Variants in IRS1 observed in about 807,000 individuals in gnomAD.
IRS1 encodes the protein insulin receptor substrate 1.
Under a neutral mutation model 65.6 loss-of-function variants are expected in IRS1, and 34 were observed. The observed-to-expected ratio is 0.52, with a 90% CI of 0.39 to 0.69. IRS1 has a LOEUF of 0.69. Ranked by LOEUF, IRS1 falls within the 30% of genes least tolerant of loss-of-function variation. The pLI, the probability that IRS1 is intolerant of heterozygous loss-of-function variation, is 0.00. For synonymous variants in IRS1, 699 were observed against 683.5 expected (o/e 1.02, Z -0.35); for missense variants, 1,641 against 1,720.2 (o/e 0.95, Z 0.81).
At chr2:226,746,794 T>C (rs1418706299) in intron 1 of IRS1, among the ~76,000 whole-genome samples, 1 of 148,172 alleles carries the variant, frequency 6.7e-6, no homozygotes, top group East Asian at 1.9e-4. Context: ...TCTTTTTTTT[T>C]TTTTTTTTTT....
At chr2:226,764,432 A>T (rs1347474787) in intron 1 of IRS1, among the ~76,000 whole-genome samples, 1 of 152,176 alleles carries the variant, frequency 6.6e-6, no homozygotes, top group Non-Finnish European at 1.5e-5. Flanking sequence ...AGTCCAAGCT[A>T]CATGGGAGGA....
chr2:226,784,382 G>C (rs1224187583), intron 1 of IRS1, among the ~76,000 whole-genome samples: 1 of 151,820 alleles, frequency 6.6e-6, no homozygotes, highest in Non-Finnish European at 1.5e-5. Context: ...AAACACTGAC[G>C]ATTCTAATTC....
At chr2:226,791,570 G>A (rs972179771) in intron 1 of IRS1, among the ~76,000 whole-genome samples, 2 of 152,200 alleles carry the variant, frequency 1.3e-5, no homozygotes, top group East Asian at 1.9e-4. Flanking sequence ...GGGGGCCTGC[G>A]GCTCGGCCTG....
intron 1 of IRS1, among the ~76,000 whole-genome samples, chr2:226,766,121 TTATATA>T (rs1171119286): frequency 3.5e-4 from 5 of 14,238 alleles, no homozygotes; most frequent in Non-Finnish European, 5.2e-4. Flanking sequence ...TCTCTTAATC[TTATATA>T]TATATATATA....
chr2:226,755,979 G>A (rs1938793022), intron 1 of IRS1, among the ~76,000 whole-genome samples: 1 of 152,164 alleles, frequency 6.6e-6, no homozygotes, highest in Non-Finnish European at 1.5e-5. Context: ...TAAGCAGTTG[G>A]CAGAAAGCTT....
Position 226,796,630 on chromosome 2 carries a change from T to C in IRS1, c.2109A>G (p.Val703=). Residue 703 remains valine (V), a synonymous_variant, in exon 1 of 2, where the codon GTA becomes GTG. Transcript: ENST00000305123. The part of the protein sequence containing the change: ...TSYGKLWTNG[V]GGHHSHVLPH... ...GCAAGACATGAGAGTGGTGGCCCCC[T>C]ACCCCGTTTGTCCACAGCTTTCCAT... is the stretch of plus-strand genomic sequence containing the variant. The C allele has an allele frequency of 1.2e-6, 2 of 1,613,916 alleles. No individual in the cohort carries two copies. Among genetic ancestry groups the C allele is most frequent in the Middle Eastern group, 1.7e-4 (1 of 6,060 alleles).
chr2:226,763,544 C>T (rs1393802478), intron 1 of IRS1, among the ~76,000 whole-genome samples: 1 of 152,124 alleles, frequency 6.6e-6, no homozygotes, highest in African/African-American at 2.4e-5. Context: ...TTAAAAGATG[C>T]CATCTGCTTT....
rs202172393 is a variant in IRS1, at chr2:226,749,244, G to A, written c.*22-12994C>T. ...CTACCTGTTCATTTGGTTTCTCCACGCTTTCCTTCTGTAACAATGTAAGCA... is the reference window on the plus strand; with the variant it reads ...CTACCTGTTCATTTGGTTTCTCCACACTTTCCTTCTGTAACAATGTAAGCA... On this transcript the variant is annotated intron_variant, in intron 1 of 1. Transcript: ENST00000305123. Among the ~76,000 whole-genome samples the A allele has an allele frequency of 3.5e-4, 54 of 152,178 alleles. 1 individual carries two copies. The East Asian group carries it at 8.1e-3, about 23-fold the overall frequency.
At chr2:226,765,798 C>T (rs1217646974) in intron 1 of IRS1, among the ~76,000 whole-genome samples, 1 of 152,006 alleles carries the variant, frequency 6.6e-6, no homozygotes, top group Non-Finnish European at 1.5e-5. Flanking sequence ...AAACAGAAGC[C>T]ACTTTAAAAA....
Position 226,798,582 on chromosome 2 carries a change from ACTT to A in IRS1, c.154_156del (p.Lys52del), listed in dbSNP as rs753296153. The A allele has an allele frequency of 8.7e-6, 14 of 1,613,802 alleles. No individual in the cohort carries two copies. Among genetic ancestry groups the A allele is most frequent in the South Asian group, 3.3e-5 (3 of 91,080 alleles). On this transcript the variant is annotated inframe_deletion, in exon 1 of 2. Transcript: ENST00000305123. The surrounding 1 kb of genome is among the most constrained non-coding windows in gnomAD (Gnocchi z 9.4). ...TTGGGGGCGCTCGACTTGTGCCGCC[ACTT>A]CTTCTCGTTCTCGTAGTACTCGAGG...
In IRS1 at chr2:226,798,688, G is replaced by A. The variant is rs779218922; in HGVS notation, c.51C>T (p.Gly17=). 2.5e-6 allele frequency: 4 copies of A among 1,613,034 alleles called. No individual in the cohort carries two copies. In the South Asian group the frequency reaches 4.4e-5, roughly 18 times the overall value. Residue 17 remains glycine (G), a synonymous_variant, in exon 1 of 2, where the codon GGC becomes GGT. Coordinates refer to ENST00000305123, the MANE Select transcript of IRS1 (RefSeq NM_005544.3). The surrounding 1 kb of genome is among the most constrained non-coding windows in gnomAD (Gnocchi z 9.4). ...SDGFSDVRKV[G]YLRKPKSMHK... is the part of the protein sequence containing the mutation. ...GCATGCTCTTGGGTTTGCGCAGGTA[G>A]CCCACCTTGCGCACGTCCGAGAAGC...
At position 226,797,834 on chromosome 2, in the gene IRS1, C is replaced by G; in HGVS notation, c.905G>C (p.Arg302Pro). 6.3e-7 allele frequency: 1 copy of G among 1,598,634 alleles called. No individual in the cohort carries two copies. Among genetic ancestry groups the G allele is most frequent in the Non-Finnish European group, 8.5e-7 (1 of 1,175,216 alleles). Residue 302 changes from arginine (R) to proline (P), a missense_variant, in exon 1 of 2, where the codon CGA becomes CCA. Physicochemically the swap from Arg to Pro is moderately radical, Grantham distance 103. Around this residue, in one of 3 missense-constraint regions of IRS1, gnomAD observed 1,324 missense variants for 1,361.0 expected, o/e 0.97. Coordinates refer to ENST00000305123, the MANE Select transcript of IRS1 (RefSeq NM_005544.3). The surrounding 1 kb of genome is among the most constrained non-coding windows in gnomAD (Gnocchi z 8.1). Reference sequence around the variant, plus strand: ...GGCGGTGATGCTCTCAGTGCGTGATCGGCGGGTCAGCCCCACCTGGCTGGG... The same window carrying G: ...GGCGGTGATGCTCTCAGTGCGTGATGGGCGGGTCAGCCCCACCTGGCTGGG... Reference protein sequence around the residue: ...PPPSQVGLTRRSRTESITATS... With the variant: ...PPPSQVGLTRPSRTESITATS...
In IRS1 at chr2:226,797,002, G is replaced by C; in HGVS notation, c.1737C>G (p.Thr579=). Residue 579 remains threonine (T), a synonymous_variant, in exon 1 of 2, where the codon ACC becomes ACG. Transcript: ENST00000305123. The surrounding 1 kb of genome is among the most constrained non-coding windows in gnomAD (Gnocchi z 8.1). The part of the protein sequence containing the change: ...PGHRHSAFVP[T]RSYPEEGLEM... ...CCAGACCCTCCTCTGGGTAGGAGCG[G>C]GTGGGCACGAAGGCGGAGTGCCTGT... 6.3e-7 allele frequency: 1 copy of C among 1,599,946 alleles called. No homozygotes were observed. The highest frequency in any genetic ancestry group is 8.5e-7 in the Non-Finnish European group (1 of 1,171,046).
intron 1 of IRS1, among the ~76,000 whole-genome samples, chr2:226,751,588 T>C (rs1034260332): frequency 2.6e-5 from 4 of 151,748 alleles, no homozygotes; most frequent in Admixed American, 1.3e-4. Flanking sequence ...CGGCCGGGTA[T>C]TTTTTTTAAA....
chr2:226,735,824 C>G lies in IRS1; in HGVS notation c.*448G>C, dbSNP rs1029330323. The G allele has an allele frequency of 2.6e-5, 4 of 152,622 alleles. No individual in the cohort carries two copies. The highest frequency in any genetic ancestry group is 9.7e-5 in the African/African-American group (4 of 41,434). 9.5% of individuals were successfully genotyped at this position (152,622 alleles called of 1,614,324 possible). A position where few individuals can be genotyped will look rare whatever the true frequency, so the allele number is the denominator to read the frequency against. On this transcript the variant is annotated 3_prime_UTR_variant, in exon 2 of 2. Coordinates refer to ENST00000305123, the MANE Select transcript of IRS1 (RefSeq NM_005544.3). ...AAACCTATGTTAAATATTTAATACT[C>G]TCTCCACCCAACGTGAACAGTTTTG...
At chr2:226,786,012 C>A (rs562389323) in intron 1 of IRS1, among the ~76,000 whole-genome samples, 6 of 149,062 alleles carry the variant, frequency 4.0e-5, no homozygotes, top group African/African-American at 1.2e-4. Flanking sequence ...TTTGTCCTTG[C>A]GATAGTTTGC....
Position 226,799,430 on chromosome 2 carries a change from G to T in IRS1, c.-692C>A. The T allele has an allele frequency of 4.1e-6, 5 of 1,211,068 alleles. No homozygotes were observed. The highest frequency in any genetic ancestry group is 5.3e-6 in the Non-Finnish European group (5 of 948,134). The allele number at this position is 1,211,068 out of a possible 1,614,324, so 75.0% of individuals were successfully genotyped here. ...GCGCGTCCTCTGCAGCCCCCATCCG[G>T]GCCCATCTCGGCGGGTGGAGAAAGT... On this transcript the variant is annotated 5_prime_UTR_variant, in exon 1 of 2. Transcript: ENST00000305123. The surrounding 1 kb of genome is among the most constrained non-coding windows in gnomAD (Gnocchi z 6.1).
intron 1 of IRS1, among the ~76,000 whole-genome samples, chr2:226,773,845 C>T (rs938196198): frequency 6.6e-6 from 1 of 152,160 alleles, no homozygotes; most frequent in Non-Finnish European, 1.5e-5. Flanking sequence ...AGTCTTAAGG[C>T]TGATTCCATG....
intron 1 of IRS1, among the ~76,000 whole-genome samples, chr2:226,740,867 T>A (rs891968278): frequency 6.6e-6 from 1 of 152,166 alleles, no homozygotes; most frequent in East Asian, 1.9e-4. Context: ...CTTTTTTCAA[T>A]AGAGGTCATT....
Sources: allele counts gnomAD v4.1 joint callset (sites outside exome capture counted in the v4.1 genomes callset), GRCh38; gene constraint gnomAD v4.1.1; regional missense constraint gnomAD v4.1.1; non-coding constraint Gnocchi (gnomAD v3.1); transcripts MANE v1.5; gene names NCBI Gene and HGNC (gene_info 2026-07-23, HGNC 2026-07-21).